The following ABCB1 variants were observed in gnomAD, a reference collection of about 807,000 sequenced individuals.
ABCB1 encodes ATP binding cassette subfamily B member 1, also known as ATP-dependent translocase ABCB1.
A neutral mutation model predicts 142.0 loss-of-function variants in ABCB1; 69 were observed. The ratio of observed to expected loss-of-function variants is 0.49; its 90% CI spans 0.40 to 0.59. The LOEUF is 0.59. ABCB1 is among the 20% of genes least tolerant of loss of function. The pLI, the probability that ABCB1 is intolerant of heterozygous loss-of-function variation, is 0.00. For synonymous variants in ABCB1, 532 were observed against 539.2 expected (o/e 0.99, Z 0.18); for missense variants, 1,326 against 1,554.7 (o/e 0.85, Z 2.47).
chr7:87,555,427 G>A (rs1183247893), intron 8 of ABCB1, among the ~76,000 whole-genome samples: 1 of 152,090 alleles, frequency 6.6e-6, no homozygotes, highest in South Asian at 2.1e-4. Flanking sequence ...TTCCTTTGGA[G>A]AACTTGTTCC....
chr7:87,652,091 G>A (rs143745596), intron 1 of ABCB1, among the ~76,000 whole-genome samples: 2 of 152,072 alleles, frequency 1.3e-5, no homozygotes, highest in African/African-American at 2.4e-5. Flanking sequence ...TGTGATGATC[G>A]TATTTTTAAA....
At chr7:87,604,242 T>C (rs1232927434), upstream of ABCB1, among the ~76,000 whole-genome samples, 1 of 152,200 alleles carries the variant, frequency 6.6e-6, no homozygotes, top group African/African-American at 2.4e-5. Context: ...ATAATTTATT[T>C]TCTGTATTTT....
Position 87,516,857 on chromosome 7 carries a change from C to T in ABCB1, c.2928-192G>A, listed in dbSNP as rs187922467. On this transcript the variant is annotated intron_variant, in intron 23 of 27. Transcript: ENST00000622132. ...GCTTAAGCGATCTTCCCACCTCAGC[C>T]TCTGTAGTAGCTGGGACTACAACTG... is the stretch of plus-strand genomic sequence containing the variant. 2.3e-4 allele frequency among the ~76,000 whole-genome samples: 35 copies of T among 151,642 alleles called. 1 individual carries two copies. The Middle Eastern group carries it at 0.014, about 59-fold the overall frequency.
Position 87,514,208 on chromosome 7 carries a change from T to C in ABCB1, c.3282+1023A>G, listed in dbSNP as rs28401799. ...GCTACCAGCGTCCATACACAGCGGG[T>C]GGGCATCCATCTGACTTGTACTAGC... On this transcript the variant is annotated intron_variant, in intron 25 of 27. Transcript: ENST00000622132. Among the ~76,000 whole-genome samples, 64 of 152,294 alleles carry C rather than the reference T, an allele frequency of 4.2e-4. 1 individual carries two copies. In the East Asian group the frequency reaches 9.3e-3, roughly 22 times the overall value.
intron 21 of ABCB1, among the ~76,000 whole-genome samples, chr7:87,522,565 T>C (rs900985119): frequency 6.6e-6 from 1 of 152,182 alleles, no homozygotes; most frequent in East Asian, 1.9e-4. Context: ...CAAATACTCA[T>C]GTGTATGGGT....
At chr7:87,571,983 A>G (rs1818076169) in intron 4 of ABCB1, among the ~76,000 whole-genome samples, 1 of 152,232 alleles carries the variant, frequency 6.6e-6, no homozygotes, top group African/African-American at 2.4e-5. Flanking sequence ...TTAGAAAAAC[A>G]TGCAAGAGGG....
intron 1 of ABCB1, among the ~76,000 whole-genome samples, chr7:87,705,251 C>A (rs916605698): frequency 3.3e-5 from 5 of 152,086 alleles, no homozygotes; most frequent in African/African-American, 9.7e-5. Flanking sequence ...ATGGCAAAAC[C>A]CTGTCTCTAC....
At chr7:87,548,376 G>A (rs1816901065) in intron 14 of ABCB1, among the ~76,000 whole-genome samples, 1 of 150,942 alleles carries the variant, frequency 6.6e-6, no homozygotes, top group Non-Finnish European at 1.5e-5. Flanking sequence ...AGGAAGGAAG[G>A]AAATAAAGAA....
At chr7:87,617,307 GA>G (rs1374918236) in intron 1 of ABCB1, among the ~76,000 whole-genome samples, 4 of 152,198 alleles carry the variant, frequency 2.6e-5, no homozygotes, top group African/African-American at 9.6e-5. Context: ...TTTTCTTTTT[GA>G]TAGAAGATAA....
intron 1 of ABCB1, among the ~76,000 whole-genome samples, chr7:87,631,452 G>A (rs550849016): frequency 6.6e-6 from 1 of 152,242 alleles, no homozygotes; most frequent in Admixed American, 6.5e-5. Context: ...GAGCAGTGGC[G>A]CGATCTCGGC....
intron 1 of ABCB1, among the ~76,000 whole-genome samples, chr7:87,650,087 A>G (rs1823429513): frequency 6.6e-6 from 1 of 152,112 alleles, no homozygotes; most frequent in Non-Finnish European, 1.5e-5. Flanking sequence ...CTCACGTCCT[A>G]TTTTATTCTA....
intron 4 of ABCB1, among the ~76,000 whole-genome samples, chr7:87,581,746 T>C (rs1265982424): frequency 6.6e-6 from 1 of 152,156 alleles, no homozygotes; most frequent in Non-Finnish European, 1.5e-5. Flanking sequence ...AGATCCTATG[T>C]TTATTGTAAA....
chr7:87,700,117 G>T (rs1455986084), intron 1 of ABCB1, among the ~76,000 whole-genome samples: 1 of 151,986 alleles, frequency 6.6e-6, no homozygotes, highest in African/African-American at 2.4e-5. Flanking sequence ...GACTGTATTA[G>T]ACAAATAGGA....
At chr7:87,563,462 T>C (rs1817658021) in intron 7 of ABCB1, 1 of 421,232 alleles carries the variant, frequency 2.4e-6, no homozygotes, top group South Asian at 1.7e-5. Flanking sequence ...AAAGCTTATC[T>C]ACCATGATCA....
chr7:87,507,702 C>T (rs1882478), intron 26 of ABCB1, among the ~76,000 whole-genome samples: 58,395 of 151,702 alleles, frequency 0.38, 12,888 homozygotes, highest in African/African-American at 0.59. Flanking sequence ...CTGTCTTCCC[C>T]GCCGGGTTGA....
chr7:87,552,031 G>T (rs1451646818), intron 9 of ABCB1, among the ~76,000 whole-genome samples: 1 of 152,104 alleles, frequency 6.6e-6, no homozygotes, highest in African/African-American at 2.4e-5. Flanking sequence ...TCCCTACCCA[G>T]CAATCATAGA....
intron 1 of ABCB1, among the ~76,000 whole-genome samples, chr7:87,684,723 G>A (rs888301368): frequency 6.2e-5 from 8 of 129,668 alleles, no homozygotes; most frequent in African/African-American, 2.3e-4. Flanking sequence ...ACTCCAGCCT[G>A]GTGACAGAGT....
At chr7:87,650,796 A>C (rs770335503) in intron 1 of ABCB1, 2 of 1,438,100 alleles carry the variant, frequency 1.4e-6, no homozygotes, top group Non-Finnish European at 2.0e-6. Context: ...CTCTGCCTAA[A>C]AGCAACAATA....
chr7:87,699,289 C>T (rs531274108), intron 1 of ABCB1, among the ~76,000 whole-genome samples: 19 of 152,040 alleles, frequency 1.2e-4, no homozygotes, highest in African/African-American at 4.3e-4. Context: ...AACAACTTTC[C>T]TAGGGAAGAC....
Sources: allele counts gnomAD v4.1 joint callset (sites outside exome capture counted in the v4.1 genomes callset), GRCh38; gene constraint gnomAD v4.1.1; transcripts MANE v1.5; gene names NCBI Gene and HGNC (gene_info 2026-07-23, HGNC 2026-07-21).